ERICH3: variants seen among roughly 807,000 people sequenced by gnomAD.
ERICH3 encodes the protein glutamate-rich protein 3.
Under a neutral mutation model 131.1 loss-of-function variants are expected in ERICH3, and 126 were observed. That is an observed-to-expected ratio of 0.96 (90% CI 0.83 to 1.11). The LOEUF is 1.11. ERICH3 is among the 50% of genes most tolerant of loss of function. The pLI is 0.00. For missense variants in ERICH3, 2,050 were observed against 1,810.7 expected (o/e 1.13, Z -2.40); for synonymous variants, 695 against 644.6 (o/e 1.08, Z -1.18).
intron 3 of ERICH3, among the ~76,000 whole-genome samples, chr1:74,643,639 T>C (rs1646455202): frequency 1.3e-5 from 2 of 152,172 alleles, no homozygotes; most frequent in Non-Finnish European, 2.9e-5. Context: ...TCATATTGTG[T>C]ATCTGTCCCT....
In ERICH3 at chr1:74,572,457, C is replaced by T; in HGVS notation, c.3253G>A (p.Ala1085Thr). 6.2e-7 allele frequency: 1 copy of T among 1,614,094 alleles called. No individual in the cohort carries two copies. The highest frequency in any genetic ancestry group is 1.1e-5 in the South Asian group (1 of 91,080). ...SEREEVTRAN[A>T]LKDEDAFKEE... ...TTAAAAGCATCTTCATCCTTGAGTG[C>T]ATTTGCCCTTGTCACCTCTTCTCTC... Residue 1085 changes from alanine (A) to threonine (T), a missense_variant, in exon 14 of 15, where the codon GCA becomes ACA. Physicochemically the swap from Ala to Thr is moderately conservative, Grantham distance 58. Transcript: ENST00000326665.
At chr1:74,631,570 A>G in intron 7 of ERICH3, 143 bp downstream of exon 7, 2 of 666,262 alleles carry the variant, frequency 3.0e-6, no homozygotes, top group Non-Finnish European at 5.1e-6. Flanking sequence ...GATACATTCA[A>G]GCTTACTTAT....
chr1:74,594,480 T>G (rs1177682309), intron 11 of ERICH3, among the ~76,000 whole-genome samples: 1 of 152,058 alleles, frequency 6.6e-6, no homozygotes, highest in African/African-American at 2.4e-5. Flanking sequence ...TCACTTTCCT[T>G]CCAACTTACA....
At chr1:74,602,406 C>A (rs1038827385) in intron 10 of ERICH3, among the ~76,000 whole-genome samples, 4 of 151,906 alleles carry the variant, frequency 2.6e-5, no homozygotes, top group African/African-American at 9.7e-5. Context: ...AAATCTTTTA[C>A]ATAATTTCTT....
intron 13 of ERICH3, among the ~76,000 whole-genome samples, chr1:74,575,382 A>C (rs1398162528): frequency 2.6e-5 from 4 of 152,368 alleles, no homozygotes; most frequent in Non-Finnish European, 4.4e-5. Context: ...GGTTGACTTT[A>C]CAGGTCATCC....
intron 10 of ERICH3, among the ~76,000 whole-genome samples, chr1:74,603,041 T>C (rs1020327759): frequency 6.6e-6 from 1 of 150,612 alleles, no homozygotes; most frequent in South Asian, 2.1e-4. Context: ...ATTATTCTCT[T>C]GGATTTCTGA....
chr1:74,590,936 A>G lies in ERICH3; in HGVS notation c.1727-856T>C, dbSNP rs552205924. Reference sequence around the variant, plus strand: ...AATATTCACTTTGTTATAGAAAAAAATGAATAATCCTTTGTCTCTTCAACA... The same window carrying G: ...AATATTCACTTTGTTATAGAAAAAAGTGAATAATCCTTTGTCTCTTCAACA... On this transcript the variant is annotated intron_variant, in intron 11 of 14. Transcript: ENST00000326665. 9.1e-3 allele frequency among the ~76,000 whole-genome samples: 1,384 copies of G among 152,340 alleles called. 21 individuals are homozygous for G. The highest frequency in any genetic ancestry group is 0.032 in the African/African-American group (1,327 of 41,584).
chr1:74,574,154 C>T (rs1226630610), intron 13 of ERICH3, among the ~76,000 whole-genome samples: 1 of 151,820 alleles, frequency 6.6e-6, no homozygotes, highest in Non-Finnish European at 1.5e-5. Flanking sequence ...CTATGCCAGG[C>T]TAATTTTTTT....
rs1557658364 is a variant in ERICH3 at position 74,572,955 on chromosome 1, C to G, written c.2755G>C (p.Val919Leu). ...AALNLEHLHE[V>L]AALREAATSE... ...GTCGCTGCCTCTCTCAGGGCTGCTA[C>G]TTCATGAAGATGCTCCAAGTTCAGG... Residue 919 changes from valine (V) to leucine (L), a missense_variant, in exon 14 of 15, where the codon GTA (valine) becomes CTA (leucine). Transcript: ENST00000326665. 5 of 1,614,150 alleles carry G rather than the reference C, an allele frequency of 3.1e-6. No individual in the cohort carries two copies. The highest frequency in any genetic ancestry group is 1.3e-5 in the African/African-American group (1 of 75,046).
intron 11 of ERICH3, chr1:74,592,297 G>A (rs1647645911): frequency 6.6e-6 from 1 of 151,992 alleles, no homozygotes; most frequent in African/African-American, 2.4e-5. Flanking sequence ...CCATCTCTCT[G>A]GTAGAAAATG....
chr1:74,671,570 G>C (rs1260566746), intron 1 of ERICH3, among the ~76,000 whole-genome samples: 1 of 152,054 alleles, frequency 6.6e-6, no homozygotes, highest in Non-Finnish European at 1.5e-5. Context: ...AAAATATAAA[G>C]AATCTATGTT....
chr1:74,624,110 A>G lies in ERICH3; in HGVS notation c.820-3196T>C, dbSNP rs542562875. 7.9e-5 allele frequency: 12 copies of G among 152,316 alleles called. No homozygotes were observed. The South Asian group carries it at 2.5e-3, about 32-fold the overall frequency. 9.4% of individuals were successfully genotyped at this position (152,316 alleles called of 1,614,324 possible). ...GGACACAGACATGGAACAATTAGGCATTCCATATTCTGTCCTTTCCATATT... is the reference window on the plus strand; with the variant it reads ...GGACACAGACATGGAACAATTAGGCGTTCCATATTCTGTCCTTTCCATATT... On this transcript the variant is annotated intron_variant, in intron 7 of 14. Coordinates refer to ENST00000326665, the MANE Select transcript of ERICH3 (RefSeq NM_001002912.5).
At chr1:74,647,154 T>C (rs941914768) in intron 2 of ERICH3, among the ~76,000 whole-genome samples, 3 of 152,080 alleles carry the variant, frequency 2.0e-5, no homozygotes, top group African/African-American at 7.2e-5. Context: ...ACACTTGACG[T>C]TTAAAACAAG....
chr1:74,632,390 CAT>C (rs71762990), intron 6 of ERICH3, among the ~76,000 whole-genome samples: 3,065 of 151,966 alleles, frequency 0.02, 97 homozygotes, highest in African/African-American at 0.069. Context: ...ATAAATAACT[CAT>C]GTACTATTTA....
chr1:74,628,780 A>G (rs1649498786), intron 7 of ERICH3, among the ~76,000 whole-genome samples: 1 of 152,148 alleles, frequency 6.6e-6, no homozygotes, highest in Admixed American at 6.6e-5. Context: ...GTAATATGAC[A>G]AAAAGGATCT....
chr1:74,571,057 G>A, intron 14 of ERICH3, 42 bp downstream of exon 14: 1 of 1,555,040 alleles, frequency 6.4e-7, no homozygotes, highest in East Asian at 2.2e-5. Flanking sequence ...CCCACCGCAG[G>A]GCTGCTATTT....
chr1:74,609,214 C>T (rs1201025711), intron 9 of ERICH3, among the ~76,000 whole-genome samples: 11 of 151,994 alleles, frequency 7.2e-5, no homozygotes, highest in Non-Finnish European at 1.5e-4. Context: ...GTTGTGGAAC[C>T]TTACACTTTG....
At chr1:74,611,108 T>A (rs1222139262) in intron 9 of ERICH3, among the ~76,000 whole-genome samples, 1 of 152,118 alleles carries the variant, frequency 6.6e-6, no homozygotes, top group African/African-American at 2.4e-5. Flanking sequence ...GATTTGCATC[T>A]CCAGCCTGGA....
chr1:74,669,384 T>A (rs1646721020), intron 1 of ERICH3, among the ~76,000 whole-genome samples: 1 of 152,116 alleles, frequency 6.6e-6, no homozygotes, highest in South Asian at 2.1e-4. Context: ...AGTGCAACTA[T>A]CTCTATTTAC....
Sources: gnomAD v4.1 joint callset for allele counts (sites outside exome capture counted in the v4.1 genomes callset) on GRCh38, gnomAD v4.1.1 for gene constraint, MANE v1.5 for transcripts, NCBI Gene and HGNC (gene_info 2026-07-23, HGNC 2026-07-21) for gene names.